Variants in ANAPC1 observed in about 807,000 individuals in gnomAD.
ANAPC1 encodes anaphase-promoting complex subunit 1.
Under a neutral mutation model 208.0 loss-of-function variants are expected in ANAPC1, and 36 were observed. The observed-to-expected ratio is 0.17, with a 90% CI of 0.13 to 0.23. The LOEUF is 0.23. Among genes scored for constraint, ANAPC1 ranks in the 10% least tolerant of loss-of-function variants. The pLI is 1.00. For missense variants in ANAPC1, 942 were observed against 2,011.6 expected (o/e 0.47, Z 10.17); for synonymous variants, 378 against 695.2 (o/e 0.54, Z 7.18).
At chr2:111,869,901 A>G (rs1682649013) in intron 6 of ANAPC1, among the ~76,000 whole-genome samples, 1 of 152,186 alleles carries the variant, frequency 6.6e-6, no homozygotes, top group Non-Finnish European at 1.5e-5. Context: ...AAAGTCCATC[A>G]TAACACTCTG....
chr2:111,877,239 A>G (rs1683068453), intron 3 of ANAPC1, among the ~76,000 whole-genome samples: 2 of 100,534 alleles, frequency 2.0e-5, no homozygotes, highest in South Asian at 7.9e-4. Flanking sequence ...TTCCCCAAAA[A>G]TATCTTTTTA....
At chr2:111,767,315 G>A (rs1456371852), downstream of ANAPC1, among the ~76,000 whole-genome samples, 2 of 151,544 alleles carry the variant, frequency 1.3e-5, no homozygotes. Context: ...ACAGCCAAAT[G>A]TTTTTCTGCA....
At chr2:111,858,540 C>A (rs1558728414) in intron 10 of ANAPC1, 139 bp from the exon 11 acceptor site, 1 of 491,290 alleles carries the variant, frequency 2.0e-6, no homozygotes, top group Admixed American at 3.3e-5. Context: ...GCGGGCAGAT[C>A]ACGAGGTCAG....
At chr2:111,860,888 A>C (rs1413403418) in intron 10 of ANAPC1, among the ~76,000 whole-genome samples, 1 of 151,624 alleles carries the variant, frequency 6.6e-6, no homozygotes, top group African/African-American at 2.4e-5. Context: ...CTACATGTAC[A>C]CACAATTATT....
chr2:111,789,874 A>G (rs1677781581), intron 38 of ANAPC1, among the ~76,000 whole-genome samples: 1 of 152,150 alleles, frequency 6.6e-6, no homozygotes, highest in Non-Finnish European at 1.5e-5. Flanking sequence ...AGAGACACGG[A>G]GAGGCTCATT....
intron 3 of ANAPC1, among the ~76,000 whole-genome samples, chr2:111,875,462 C>T (rs1201897784): frequency 6.6e-6 from 1 of 152,186 alleles, no homozygotes; most frequent in African/African-American, 2.4e-5. Flanking sequence ...TCTTTTATCC[C>T]TGATATCTAA....
At chr2:111,883,651 AC>A (rs1441585889) in intron 1 of ANAPC1, among the ~76,000 whole-genome samples, 14 of 152,240 alleles carry the variant, frequency 9.2e-5, no homozygotes, top group Admixed American at 7.8e-4. Context: ...GCTCAGAAAA[AC>A]AGCTCAGAGG....
At chr2:111,881,081 G>A (rs1683274481) in intron 1 of ANAPC1, among the ~76,000 whole-genome samples, 1 of 150,828 alleles carries the variant, frequency 6.6e-6, no homozygotes, top group African/African-American at 2.4e-5. Flanking sequence ...CCACTGAGAT[G>A]CAACAAGTAC....
At chr2:111,832,936 T>TTAAAAAAAAAAA (rs1680231505) in intron 20 of ANAPC1, among the ~76,000 whole-genome samples, 1 of 15,970 alleles carries the variant, frequency 6.3e-5, no homozygotes, top group Non-Finnish European at 1.4e-4. Flanking sequence ...AGACTCAGTC[T>TTAAAAAAAAAAA]CAAAAAAAAA....
At chr2:111,781,882 C>G (rs1353542870) in intron 43 of ANAPC1, among the ~76,000 whole-genome samples, 1 of 152,268 alleles carries the variant, frequency 6.6e-6, no homozygotes, top group Admixed American at 6.5e-5. Flanking sequence ...CACTGGCAGT[C>G]GAGTACTGTG....
chr2:111,881,027 T>TTATC (rs1488302741), intron 1 of ANAPC1, 178 bp from the exon 2 acceptor site: 1 of 578,844 alleles, frequency 1.7e-6, no homozygotes, highest in African/African-American at 1.9e-5. Context: ...ACAGTTGCAA[T>TTATC]TATCACATTT....
chr2:111,829,816 TC>T (rs770422706), intron 21 of ANAPC1, among the ~76,000 whole-genome samples: 6 of 152,188 alleles, frequency 3.9e-5, no homozygotes, highest in Non-Finnish European at 7.4e-5. Flanking sequence ...ACACCTGTAA[TC>T]CCAGCACTTT....
intron 16 of ANAPC1, 142 bp downstream of exon 16, chr2:111,846,996 T>A (rs1282486487): frequency 1.5e-6 from 1 of 651,988 alleles, no homozygotes; most frequent in Non-Finnish European, 2.7e-6. Flanking sequence ...CACAAAGCAC[T>A]CCCTAGCTCT....
In ANAPC1 at chr2:111,825,053, CAT is replaced by C. The variant is rs1341728493; in HGVS notation, c.2742-19_2742-18del. The C allele has an allele frequency of 6.2e-6, 10 of 1,613,724 alleles. No individual in the cohort carries two copies. The highest frequency in any genetic ancestry group is 3.3e-5 in the South Asian group (3 of 91,072). On this transcript the variant is annotated intron_variant, in intron 23 of 47. Transcript: ENST00000341068. ...AAACTAAACCTATAAGAGAATAAAA[CAT>C]AAAGTTATTAAGCAGAACAGTAAAT...
chr2:111,823,526 G>A (rs1270009652), intron 24 of ANAPC1, among the ~76,000 whole-genome samples: 1 of 152,050 alleles, frequency 6.6e-6, no homozygotes, highest in Non-Finnish European at 1.5e-5. Flanking sequence ...GGAGAAAGGG[G>A]TGAGTCCGAT....
intron 11 of ANAPC1, 139 bp downstream of exon 11, chr2:111,858,167 G>C: frequency 1.7e-6 from 1 of 603,794 alleles, no homozygotes; most frequent in Non-Finnish European, 2.8e-6. Flanking sequence ...TAATTATACA[G>C]TAAAAACATG....
intron 21 of ANAPC1, 26 bp downstream of exon 21, chr2:111,831,260 T>C (rs773887415): frequency 3.2e-6 from 5 of 1,560,200 alleles, no homozygotes; most frequent in Admixed American, 4.3e-5. Flanking sequence ...AAAAAGGAGA[T>C]AGGTAGTAAC....
intron 6 of ANAPC1, among the ~76,000 whole-genome samples, chr2:111,870,598 T>G (rs2104585405): frequency 6.6e-6 from 1 of 152,376 alleles, no homozygotes; most frequent in East Asian, 1.9e-4. Context: ...TTCTGGATAC[T>G]AGTGCTTTGT....
intron 1 of ANAPC1, among the ~76,000 whole-genome samples, chr2:111,882,020 T>C (rs1015670311): frequency 3.6e-4 from 55 of 152,094 alleles, no homozygotes; most frequent in Non-Finnish European, 5.9e-4. Flanking sequence ...CCATCTCTAC[T>C]AAAAATACAA....
Sources: allele counts gnomAD v4.1 joint callset (sites outside exome capture counted in the v4.1 genomes callset), GRCh38; gene constraint gnomAD v4.1.1; transcripts MANE v1.5; gene names NCBI Gene and HGNC (gene_info 2026-07-23, HGNC 2026-07-21).